The following CFAP54 variants were observed in gnomAD, a reference collection of about 807,000 sequenced individuals.
CFAP54 encodes the protein cilia- and flagella-associated protein 54.
CFAP54 carries 290 observed loss-of-function variants against 370.4 expected under a neutral mutation model. The observed-to-expected ratio is 0.78, with a 90% CI of 0.71 to 0.86. The LOEUF is 0.86. Ranked by LOEUF, CFAP54 falls within the 40% of genes least tolerant of loss-of-function variation. CFAP54 has a pLI of 0.00. For synonymous variants in CFAP54, 1,206 were observed against 1,236.5 expected (o/e 0.98, Z 0.52); for missense variants, 3,399 against 3,528.7 (o/e 0.96, Z 0.93).
At chr12:96,641,808 C>T (rs1956731271) in intron 32 of CFAP54, among the ~76,000 whole-genome samples, 1 of 152,032 alleles carries the variant, frequency 6.6e-6, no homozygotes, top group African/African-American at 2.4e-5. Flanking sequence ...AACTATCATT[C>T]TCAGCAAATT....
chr12:96,743,554 C>T lies in CFAP54; in HGVS notation c.7372C>T (p.Leu2458Phe). Reference protein sequence around the residue: ...KHLKADIMTNLQDIIHLLEGN... With the variant: ...KHLKADIMTNFQDIIHLLEGN... ...TTTAAAGGCAGACATCATGACAAAC[C>T]TTCAGGTAGAAAGGAAACTTTGTTC... The change falls in exon 53 of 68, where the codon CTT becomes TTT. Residue 2458 changes from leucine (L) to phenylalanine (F), a missense_variant. This residue lies in a region of CFAP54 where 2,796 missense variants were observed against 2,869.7 expected (regional missense o/e 0.97). Transcript: ENST00000524981. 1 of 1,613,928 alleles carries T rather than the reference C, an allele frequency of 6.2e-7. No homozygotes were observed. Among genetic ancestry groups the T allele is most frequent in the Non-Finnish European group, 8.5e-7 (1 of 1,179,912 alleles).
At chr12:96,732,402 G>A (rs1337791979) in intron 50 of CFAP54, among the ~76,000 whole-genome samples, 1 of 152,124 alleles carries the variant, frequency 6.6e-6, no homozygotes, top group Non-Finnish European at 1.5e-5. Flanking sequence ...AAAGTGCTGG[G>A]ATTACAAGCA....
At chr12:96,704,418 C>A (rs1252282856) in intron 46 of CFAP54, among the ~76,000 whole-genome samples, 2 of 89,880 alleles carry the variant, frequency 2.2e-5, no homozygotes, top group Admixed American at 1.5e-4. Flanking sequence ...CAGAGCGAGA[C>A]TCGGTCTAAA....
intron 11 of CFAP54, 45 bp from the exon 12 acceptor site, chr12:96,535,470 G>T: frequency 7.9e-7 from 1 of 1,257,880 alleles, no homozygotes. Context: ...TTGAAATTTT[G>T]TAAGTGATTT....
chr12:96,654,626 C>A (rs796859672), intron 36 of CFAP54, among the ~76,000 whole-genome samples: 3 of 152,126 alleles, frequency 2.0e-5, no homozygotes, highest in African/African-American at 7.2e-5. Flanking sequence ...TGAAGTATTG[C>A]ATTTACTCCT....
chr12:96,718,599 C>A, intron 49 of CFAP54, 77 bp downstream of exon 49: 1 of 814,604 alleles, frequency 1.2e-6, no homozygotes, highest in South Asian at 1.6e-5. Flanking sequence ...GGCCTGCTTT[C>A]AGAGTTATGC....
In CFAP54 at chr12:96,600,234, A is replaced by G. The variant is rs538424097; in HGVS notation, c.3639+1467A>G. Among the ~76,000 whole-genome samples, 220 of 152,294 alleles carry G rather than the reference A, an allele frequency of 1.4e-3. 1 individual carries two copies. The highest frequency in any genetic ancestry group is 5.0e-3 in the African/African-American group (207 of 41,558). ...CTACATATGGCTAGCCAGTTTTCCC[A>G]GCACCATTTATTAAATAGGGAATCC... is the stretch of plus-strand genomic sequence containing the variant. On this transcript the variant is annotated intron_variant, in intron 26 of 67. Transcript: ENST00000524981.
chr12:96,629,965 A>G (rs1040717214), intron 30 of CFAP54, 128 bp from the exon 31 acceptor site: 3 of 433,100 alleles, frequency 6.9e-6, no homozygotes, highest in African/African-American at 3.9e-5. Context: ...AGTCAAATTG[A>G]TGCATAGGAC....
At chr12:96,870,277 A>G (rs1021247569) in intron 67 of CFAP54, among the ~76,000 whole-genome samples, 1 of 152,044 alleles carries the variant, frequency 6.6e-6, no homozygotes, top group Admixed American at 6.5e-5. Context: ...AAAAAAAAAG[A>G]AAACAGATTA....
At position 96,699,993 on chromosome 12, in the gene CFAP54, G is replaced by C. The variant is rs1957474897; in HGVS notation, c.6374G>C (p.Arg2125Thr). ...ILKIEVLIDL[R>T]FFSEAFYEIS... ...CAGATAGAAGTCCTTATAGATTTGA[G>C]ATTCTTTTCTGAAGCCTTTTATGAG... The change falls in exon 46 of 68, where the codon AGA (arginine) becomes ACA (threonine). Residue 2125 changes from arginine to threonine, a missense_variant. Physicochemically the swap from Arg to Thr is moderately conservative, Grantham distance 71. This residue lies in a region of CFAP54 where 2,796 missense variants were observed against 2,869.7 expected (regional missense o/e 0.97). Transcript: ENST00000524981. 1.9e-6 allele frequency: 3 copies of C among 1,583,918 alleles called. No homozygotes were observed. The East Asian group carries it at 6.8e-5, about 36-fold the overall frequency.
chr12:96,559,099 C>T (rs1285883300), intron 17 of CFAP54, among the ~76,000 whole-genome samples: 2 of 151,960 alleles, frequency 1.3e-5, no homozygotes, highest in East Asian at 3.9e-4. Context: ...GCCTGTAATC[C>T]CAGCTACTTG....
At chr12:96,634,984 T>C (rs1223055045) in intron 32 of CFAP54, among the ~76,000 whole-genome samples, 1 of 152,220 alleles carries the variant, frequency 6.6e-6, no homozygotes, top group Admixed American at 6.5e-5. Flanking sequence ...TTGATTACTG[T>C]TGTTATAGAG....
At chr12:96,531,830 T>G (rs578164056) in intron 9 of CFAP54, among the ~76,000 whole-genome samples, 1 of 152,314 alleles carries the variant, frequency 6.6e-6, no homozygotes, top group African/African-American at 2.4e-5. Flanking sequence ...GTTCAAACGA[T>G]TCTCCTGCCT....
chr12:96,861,820 C>T (rs1283490113), intron 67 of CFAP54, among the ~76,000 whole-genome samples: 2 of 152,022 alleles, frequency 1.3e-5, no homozygotes, highest in East Asian at 1.9e-4. Flanking sequence ...GTTTCCCTGC[C>T]AAATTGGAAA....
Position 96,704,324 on chromosome 12 carries a change from G to A in CFAP54, c.6475-419G>A, listed in dbSNP as rs1191551874. Reference sequence around the variant, plus strand: ...CACCTGTAGTCCCAGCTACTTGGGAGGCTGAGGCAGGAGAATGGTGTGAAC... The same window carrying A: ...CACCTGTAGTCCCAGCTACTTGGGAAGCTGAGGCAGGAGAATGGTGTGAAC... On this transcript the variant is annotated intron_variant, in intron 46 of 67. Coordinates refer to ENST00000524981, the MANE Select transcript of CFAP54 (RefSeq NM_001306084.2). Among the ~76,000 whole-genome samples, 6 of 150,518 alleles carry A rather than the reference G, an allele frequency of 4.0e-5. No homozygotes were observed. The East Asian group carries it at 1.2e-3, about 29-fold the overall frequency.
intron 65 of CFAP54, among the ~76,000 whole-genome samples, chr12:96,828,495 C>T (rs569730179): frequency 1.1e-4 from 16 of 152,242 alleles, no homozygotes; most frequent in African/African-American, 3.9e-4. Context: ...GATTGTATGT[C>T]TCTTCTGTTG....
At chr12:96,722,338 T>C (rs991911019) in intron 50 of CFAP54, among the ~76,000 whole-genome samples, 2 of 152,320 alleles carry the variant, frequency 1.3e-5, no homozygotes, top group African/African-American at 4.8e-5. Flanking sequence ...CAGGCTTCAT[T>C]GATGAGGTGA....
intron 66 of CFAP54, among the ~76,000 whole-genome samples, chr12:96,852,426 T>C (rs1959574185): frequency 6.6e-6 from 1 of 152,096 alleles, no homozygotes; most frequent in Admixed American, 6.5e-5. Flanking sequence ...ATGACAGAGG[T>C]AACTCATCTT....
At chr12:96,533,443 A>G (rs948683457) in intron 9 of CFAP54, among the ~76,000 whole-genome samples, 1 of 152,216 alleles carries the variant, frequency 6.6e-6, no homozygotes, top group Non-Finnish European at 1.5e-5. Context: ...CTGTGGATGT[A>G]TAATGATGAC....
Sources: allele counts gnomAD v4.1 joint callset (sites outside exome capture counted in the v4.1 genomes callset), GRCh38; gene constraint gnomAD v4.1.1; regional missense constraint gnomAD v4.1.1; transcripts MANE v1.5; gene names NCBI Gene and HGNC (gene_info 2026-07-23, HGNC 2026-07-21).